The following MTMR3 variants were observed in gnomAD, a reference collection of about 807,000 sequenced individuals.
MTMR3 encodes phosphatidylinositol-3,5-bisphosphate 3-phosphatase MTMR3.
A neutral mutation model predicts 132.4 loss-of-function variants in MTMR3; 32 were observed. The ratio of observed to expected loss-of-function variants is 0.24; its 90% CI spans 0.18 to 0.32. The LOEUF (loss-of-function observed/expected upper bound fraction) is 0.32. Ranked by LOEUF, MTMR3 falls within the 10% of genes least tolerant of loss-of-function variation. The pLI is 1.00. For synonymous variants in MTMR3, 556 were observed against 550.3 expected, an observed-to-expected ratio of 1.01 and a Z score of -0.14; for missense variants, 1,216 against 1,489.6, an observed-to-expected ratio of 0.82 and a Z score of 3.02.
chr22:29,948,418 A>G (rs1175638060), intron 1 of MTMR3, among the ~76,000 whole-genome samples: 2 of 152,208 alleles, frequency 1.3e-5, no homozygotes, highest in African/African-American at 4.8e-5. Context: ...TCTTATACTG[A>G]TAAGCAGTAT....
intron 6 of MTMR3, chr22:29,989,134 A>T (rs1356219356): frequency 1.3e-5 from 2 of 152,260 alleles, no homozygotes; most frequent in African/African-American, 4.8e-5. Flanking sequence ...CCTCACCTCC[A>T]TCTCATTCAG....
intron 1 of MTMR3, among the ~76,000 whole-genome samples, chr22:29,947,412 C>T (rs534768330): frequency 6.7e-6 from 1 of 150,268 alleles, no homozygotes; most frequent in East Asian, 1.9e-4. Context: ...TAATATACTC[C>T]ATAATGTATG....
In MTMR3 at chr22:30,025,797, A is replaced by C; in HGVS notation, c.3593A>C (p.Asn1198Thr). Residue 1198 changes from asparagine (N) to threonine (T), a missense_variant, in exon 20 of 20, where the codon AAC (asparagine) becomes ACC (threonine). Asn to Thr is a moderately conservative substitution (Grantham distance 65, BLOSUM62 0). Around this residue, in one of 7 missense-constraint regions of MTMR3, gnomAD observed 852 missense variants for 852.0 expected, o/e 1.00. Coordinates refer to ENST00000401950, the MANE Select transcript of MTMR3 (RefSeq NM_021090.4). ...ELDKPIAATS[N>T] ...GATAAGCCCATTGCTGCCACTTCCAACTGAAGCTCAGTGACCTGGGTGGGC... is the reference window on the plus strand; with the variant it reads ...GATAAGCCCATTGCTGCCACTTCCACCTGAAGCTCAGTGACCTGGGTGGGC... The C allele has an allele frequency of 6.2e-7, 1 of 1,613,832 alleles. No homozygotes were observed. The highest frequency in any genetic ancestry group is 8.5e-7 in the Non-Finnish European group (1 of 1,179,998).
At chr22:29,903,252 A>G (rs1345261554) in intron 1 of MTMR3, among the ~76,000 whole-genome samples, 1 of 152,124 alleles carries the variant, frequency 6.6e-6, no homozygotes, top group Admixed American at 6.6e-5. Flanking sequence ...ATAAAAAAGA[A>G]AAGAGTTTGC....
rs1214771270 is a variant in MTMR3, at chr22:29,988,513, C to A, written c.244C>A (p.Arg82=). Residue 82 remains arginine, a synonymous_variant, in exon 6 of 20, where the codon CGA becomes AGA. Transcript: ENST00000401950. ...ACAGCTTATAGAAAGTGTTGAATGC[C>A]GAGATATATTTCAGCTTCATTTGAC... ...PLQLIESVEC[R]DIFQLHLTCK... 2 of 1,611,848 alleles carry A rather than the reference C, an allele frequency of 1.2e-6. No homozygotes were observed. The highest frequency in any genetic ancestry group is 2.2e-5 in the South Asian group (2 of 90,802).
At chr22:29,954,332 C>T (rs990490687) in intron 1 of MTMR3, among the ~76,000 whole-genome samples, 1 of 151,754 alleles carries the variant, frequency 6.6e-6, no homozygotes, top group Non-Finnish European at 1.5e-5. Flanking sequence ...TCAAGCAGTC[C>T]TCCCACTTCG....
intron 1 of MTMR3, among the ~76,000 whole-genome samples, chr22:29,948,430 C>T (rs2065991519): frequency 6.6e-6 from 1 of 152,132 alleles, no homozygotes; most frequent in African/African-American, 2.4e-5. Flanking sequence ...AAGCAGTATG[C>T]AGGTTAGCTA....
intron 1 of MTMR3, among the ~76,000 whole-genome samples, chr22:29,910,081 G>A (rs899648006): frequency 5.9e-5 from 9 of 151,424 alleles, no homozygotes; most frequent in East Asian, 2.0e-4. Context: ...GGAGAATGGC[G>A]TGAACCCAGG....
At chr22:30,012,744 TA>T in intron 13 of MTMR3, 181 bp downstream of exon 13, 2 of 562,034 alleles carry the variant, frequency 3.6e-6, no homozygotes, top group Non-Finnish European at 6.0e-6. Context: ...TTGCACCTCT[TA>T]AAATGGGGCA....
At chr22:29,910,594 C>T (rs1699786238) in intron 1 of MTMR3, among the ~76,000 whole-genome samples, 1 of 152,194 alleles carries the variant, frequency 6.6e-6, no homozygotes, top group African/African-American at 2.4e-5. Context: ...AAGTAGGAGT[C>T]TCACACTTTA....
In MTMR3 at chr22:29,976,329, C is replaced by T. The variant is rs1283925369; in HGVS notation, c.4-2113C>T. Among the ~76,000 whole-genome samples the T allele has an allele frequency of 2.0e-5, 3 of 151,802 alleles. No individual in the cohort carries two copies. The East Asian group carries it at 5.8e-4, about 29-fold the overall frequency. The stretch of plus-strand genomic sequence containing the variant: ...TAATAGTGTCTTTTGGAAAAAAGAC[C>T]TGCCAAATGTCCAAGTCTGCATTAC... On this transcript the variant is annotated intron_variant, in intron 3 of 19. Coordinates refer to ENST00000401950, the MANE Select transcript of MTMR3 (RefSeq NM_021090.4).
At position 29,991,591 on chromosome 22, in the gene MTMR3, C is replaced by A. The variant is rs778989771; in HGVS notation, c.381C>A (p.Leu127=). The change falls in exon 7 of 20, where the codon CTC becomes CTA. Residue 127 remains leucine, a synonymous_variant. Coordinates refer to ENST00000401950, the MANE Select transcript of MTMR3 (RefSeq NM_021090.4). ...GACCACCTGCTAAAATAGAAGATCT[C>A]TTCTCATTTGCATACCATGCTTGGT... The part of the protein sequence containing the change: ...AIRPPAKIED[L]FSFAYHAWCM... 21 of 1,614,074 alleles carry A rather than the reference C, an allele frequency of 1.3e-5. No homozygotes were observed. The highest frequency in any genetic ancestry group is 1.8e-5 in the Non-Finnish European group (21 of 1,179,974).
At position 29,900,824 on chromosome 22, in the gene MTMR3, C is replaced by T. The variant is rs555856725; in HGVS notation, c.-138+17465C>T. On this transcript the variant is annotated intron_variant, in intron 1 of 19. Transcript: ENST00000401950. ...TGCCTTCAAGGCTCAAGTCATACTC[C>T]TGCCTCATCCCCCTAAGTAGCTGGG... Among the ~76,000 whole-genome samples, 3 of 152,264 alleles carry T rather than the reference C, an allele frequency of 2.0e-5. No homozygotes were observed. The East Asian group carries it at 5.8e-4, about 29-fold the overall frequency.
At chr22:30,012,649 A>AT in intron 13 of MTMR3, 86 bp downstream of exon 13, 1 of 1,361,062 alleles carries the variant, frequency 7.3e-7, no homozygotes, top group Non-Finnish European at 9.9e-7. Flanking sequence ...GGGAGTGGTG[A>AT]TTCGGTTAAA....
intron 1 of MTMR3, among the ~76,000 whole-genome samples, chr22:29,913,868 C>T (rs943568394): frequency 6.6e-6 from 1 of 152,184 alleles, no homozygotes; most frequent in African/African-American, 2.4e-5. Context: ...TCTCCTGCCT[C>T]AGCCTGCTGA....
At chr22:29,896,985 A>G (rs1332733394) in intron 1 of MTMR3, among the ~76,000 whole-genome samples, 1 of 151,968 alleles carries the variant, frequency 6.6e-6, no homozygotes, top group Non-Finnish European at 1.5e-5. Flanking sequence ...TTTTTAAAGT[A>G]AAATTTAAAT....
chr22:29,955,827 C>T (rs1712695233), intron 1 of MTMR3, among the ~76,000 whole-genome samples: 1 of 152,186 alleles, frequency 6.6e-6, no homozygotes, highest in South Asian at 2.1e-4. Context: ...TCTCAGCTCA[C>T]TGCAACCTCC....
intron 1 of MTMR3, among the ~76,000 whole-genome samples, chr22:29,915,604 T>A (rs967439013): frequency 2.0e-5 from 3 of 152,124 alleles, no homozygotes; most frequent in African/African-American, 7.2e-5. Flanking sequence ...GTATATTTTA[T>A]GTTTTGTATA....
At chr22:30,011,924 GTTTTTC>G (rs140028613) in intron 12 of MTMR3, 2,491 of 158,156 alleles carry the variant, frequency 0.016, 63 homozygotes, top group African/African-American at 0.057. Flanking sequence ...GTATTCATGA[GTTTTTC>G]TTTTCTTTTC....
Sources: gnomAD v4.1 joint callset for allele counts (sites outside exome capture counted in the v4.1 genomes callset) on GRCh38, gnomAD v4.1.1 for gene constraint, gnomAD v4.1.1 regional missense constraint, MANE v1.5 for transcripts, NCBI Gene and HGNC (gene_info 2026-07-23, HGNC 2026-07-21) for gene names.